ABCA12: variants seen among roughly 807,000 people sequenced by gnomAD.
ABCA12 encodes ATP binding cassette subfamily A member 12, also known as glucosylceramide transporter ABCA12.
ABCA12 carries 156 observed loss-of-function variants against 293.5 expected under a neutral mutation model. The ratio of observed to expected loss-of-function variants is 0.53; its 90% CI spans 0.47 to 0.61. The LOEUF (loss-of-function observed/expected upper bound fraction) is 0.61, where lower values mean the gene tolerates loss of function less well. Among genes scored for constraint, ABCA12 ranks in the 20% least tolerant of loss-of-function variants. ABCA12 has a pLI of 0.00. For missense variants in ABCA12, 2,797 were observed against 3,090.2 expected (o/e 0.91, Z 2.25); for synonymous variants, 1,063 against 1,108.0 (o/e 0.96, Z 0.81).
chr2:215,063,937 A>C (rs1575019691), intron 3 of ABCA12, 129 bp downstream of exon 3: 2 of 1,107,356 alleles, frequency 1.8e-6, no homozygotes, highest in African/African-American at 3.1e-5. Context: ...TTTCATATTT[A>C]GATCATCACA....
chr2:215,077,575 C>T (rs1701857794), intron 2 of ABCA12, among the ~76,000 whole-genome samples: 1 of 152,076 alleles, frequency 6.6e-6, no homozygotes, highest in African/African-American at 2.4e-5. Flanking sequence ...TATATATTAC[C>T]TCTATCTACT....
At chr2:215,000,620 A>G in intron 22 of ABCA12, 85 bp downstream of exon 22, 1 of 1,511,880 alleles carries the variant, frequency 6.6e-7, no homozygotes, top group South Asian at 1.1e-5. Flanking sequence ...TGTTCCTTTC[A>G]TGTAATACAT....
At chr2:214,984,094 CTTTTTTT>C (rs397987755) in intron 28 of ABCA12, among the ~76,000 whole-genome samples, 1 of 92,952 alleles carries the variant, frequency 1.1e-5, no homozygotes, top group South Asian at 4.2e-4. Context: ...ACGATCAGGC[CTTTTTTT>C]TTTTTTTTTT....
At chr2:214,954,195 G>A in intron 43 of ABCA12, 88 bp from the exon 44 acceptor site, 2 of 1,413,344 alleles carry the variant, frequency 1.4e-6, no homozygotes, top group South Asian at 1.2e-5. Flanking sequence ...TAGACAAATA[G>A]TGAAACCTAA....
intron 11 of ABCA12, chr2:215,022,545 C>T (rs1486593491): frequency 6.6e-6 from 1 of 152,182 alleles, no homozygotes; most frequent in African/African-American, 2.4e-5. Flanking sequence ...ATTCTTTCTT[C>T]AAAAGTATGT....
chr2:215,134,953 T>TA (rs111746849), intron 1 of ABCA12, among the ~76,000 whole-genome samples: 21 of 151,416 alleles, frequency 1.4e-4, no homozygotes, highest in Non-Finnish European at 2.7e-4. Flanking sequence ...GCATATACTT[T>TA]AAAAAAAAAT....
At chr2:215,096,240 C>T (rs1258021113) in intron 2 of ABCA12, among the ~76,000 whole-genome samples, 1 of 152,134 alleles carries the variant, frequency 6.6e-6, no homozygotes, top group African/African-American at 2.4e-5. Flanking sequence ...TTATTTTACT[C>T]CCCAACAATG....
Position 215,025,763 on chromosome 2 carries a change from C to T in ABCA12, c.1197G>A (p.Leu399=), listed in dbSNP as rs552624962. 6.2e-7 allele frequency: 1 copy of T among 1,611,786 alleles called. No homozygotes were observed. Among genetic ancestry groups the T allele is most frequent in the South Asian group, 1.1e-5 (1 of 91,038 alleles). The change falls in exon 11 of 53, where the codon CTG becomes CTA. Residue 399 remains leucine (L), a synonymous_variant. Coordinates refer to ENST00000272895, the MANE Select transcript of ABCA12 (RefSeq NM_173076.3). ...ARGSPENLRL[L]QSTIRFKKSF... ...ATTTTTTAAATCGTATTGTGGACTGCAGGAGTCTTAGATTTTCTGTAAAGG... is the reference window on the plus strand; with the variant it reads ...ATTTTTTAAATCGTATTGTGGACTGTAGGAGTCTTAGATTTTCTGTAAAGG...
At chr2:214,968,629 C>T in intron 38 of ABCA12, 91 bp downstream of exon 38, 1 of 1,221,332 alleles carries the variant, frequency 8.2e-7, no homozygotes, top group East Asian at 2.3e-5. Context: ...CGATTGTACC[C>T]ATATTTTGTT....
At chr2:215,053,663 A>G (rs546719915) in intron 4 of ABCA12, among the ~76,000 whole-genome samples, 1 of 152,046 alleles carries the variant, frequency 6.6e-6, no homozygotes, top group African/African-American at 2.4e-5. Context: ...ATCAACTTGC[A>G]TTGGAATGTT....
chr2:214,991,705 T>G (rs149650193), intron 23 of ABCA12, among the ~76,000 whole-genome samples: 54 of 152,334 alleles, frequency 3.5e-4, no homozygotes, highest in African/African-American at 1.3e-3. Context: ...CTCATGTATC[T>G]GAGATCCTCT....
At chr2:215,055,898 T>C (rs1452410810) in intron 3 of ABCA12, among the ~76,000 whole-genome samples, 2 of 152,042 alleles carry the variant, frequency 1.3e-5, no homozygotes, top group African/African-American at 4.8e-5. Flanking sequence ...CAGGTAAAAA[T>C]AAGAAATGAC....
At chr2:215,040,137 C>T (rs1161816659) in intron 7 of ABCA12, among the ~76,000 whole-genome samples, 1 of 152,144 alleles carries the variant, frequency 6.6e-6, no homozygotes, top group East Asian at 1.9e-4. Context: ...CTTAGGCACA[C>T]TAGCACATTT....
chr2:214,997,932 A>G, intron 22 of ABCA12, 123 bp from the exon 23 acceptor site: 1 of 692,744 alleles, frequency 1.4e-6, no homozygotes, highest in South Asian at 1.7e-5. Flanking sequence ...TTTGAAATTG[A>G]AAATAATCGG....
chr2:215,032,961 T>C (rs777064801), intron 8 of ABCA12, among the ~76,000 whole-genome samples: 2 of 152,174 alleles, frequency 1.3e-5, no homozygotes, highest in African/African-American at 4.8e-5. Flanking sequence ...TTTAAATTAG[T>C]ATGTGTGTAA....
At chr2:214,984,713 T>C (rs1699749995) in intron 28 of ABCA12, among the ~76,000 whole-genome samples, 1 of 152,144 alleles carries the variant, frequency 6.6e-6, no homozygotes, top group African/African-American at 2.4e-5. Context: ...CTGGAATCTG[T>C]AAGTCATTTT....
At chr2:215,075,848 T>C (rs1701824018) in intron 2 of ABCA12, 1 of 395,598 alleles carries the variant, frequency 2.5e-6, no homozygotes, top group Non-Finnish European at 4.5e-6. Flanking sequence ...TAAAAGCCAG[T>C]GAAATTTATT....
chr2:215,134,392 GTA>G (rs1472258930), intron 1 of ABCA12, among the ~76,000 whole-genome samples: 2 of 143,398 alleles, frequency 1.4e-5, no homozygotes, highest in African/African-American at 2.6e-5. Context: ...GTACATATAT[GTA>G]TATGTGTATA....
At chr2:214,999,148 T>C (rs1321279174) in intron 22 of ABCA12, among the ~76,000 whole-genome samples, 2 of 152,152 alleles carry the variant, frequency 1.3e-5, no homozygotes, top group East Asian at 1.9e-4. Context: ...GGAAACTGTA[T>C]GGCATGGGGT....
Sources: allele counts gnomAD v4.1 joint callset (sites outside exome capture counted in the v4.1 genomes callset), GRCh38; gene constraint gnomAD v4.1.1; transcripts MANE v1.5; gene names NCBI Gene and HGNC (gene_info 2026-07-23, HGNC 2026-07-21).